FBXL17: variants seen among roughly 807,000 people sequenced by gnomAD.
FBXL17 encodes F-box and leucine rich repeat protein 17, also known as F-box/LRR-repeat protein 17.
Under a neutral mutation model 66.2 loss-of-function variants are expected in FBXL17, and 22 were observed. The observed-to-expected ratio is 0.33, with a 90% confidence interval of 0.24 to 0.47. The LOEUF is 0.47. FBXL17 is among the 20% of genes least tolerant of loss of function. The probability of loss-of-function intolerance (pLI) is 1.00; values close to 1 mark genes in which losing one functional copy is unlikely to be tolerated. For missense variants in FBXL17, 878 were observed against 948.2 expected, an observed-to-expected ratio of 0.93 and a Z score of 0.97; for synonymous variants, 474 against 400.5, an observed-to-expected ratio of 1.18 and a Z score of -2.19.
chr5:107,999,484 C>CCA (rs1554055759), intron 7 of FBXL17, among the ~76,000 whole-genome samples: 6 of 137,642 alleles, frequency 4.4e-5, no homozygotes, highest in Admixed American at 3.0e-4. Context: ...CACACACACA[C>CCA]CACACACACA....
chr5:107,916,109 C>T (rs560127088), intron 7 of FBXL17, among the ~76,000 whole-genome samples: 7 of 152,314 alleles, frequency 4.6e-5, no homozygotes, highest in Admixed American at 1.3e-4. Context: ...ACCTAAGCCA[C>T]TGCTAGGCAG....
At chr5:108,242,386 T>C (rs1331021394) in intron 4 of FBXL17, among the ~76,000 whole-genome samples, 3 of 151,656 alleles carry the variant, frequency 2.0e-5, no homozygotes, top group African/African-American at 7.3e-5. Flanking sequence ...GTTGTTGTTG[T>C]TGTTGTTGTT....
At chr5:107,919,944 T>C (rs1320254880) in intron 7 of FBXL17, among the ~76,000 whole-genome samples, 1 of 152,202 alleles carries the variant, frequency 6.6e-6, no homozygotes, top group African/African-American at 2.4e-5. Flanking sequence ...TCCTGGGGTA[T>C]AGTACTCACT....
chr5:108,368,717 T>A (rs550744363), intron 1 of FBXL17, among the ~76,000 whole-genome samples: 79 of 152,234 alleles, frequency 5.2e-4, no homozygotes, highest in African/African-American at 1.9e-3. Context: ...AATAGTAATG[T>A]ACAATGCTGA....
At chr5:108,084,196 G>A (rs116412898) in intron 6 of FBXL17, among the ~76,000 whole-genome samples, 7 of 152,086 alleles carry the variant, frequency 4.6e-5, no homozygotes, top group Admixed American at 1.3e-4. Context: ...TATACGTGCC[G>A]CAAGCAATGA....
chr5:108,316,285 C>G (rs1390353778), intron 4 of FBXL17, among the ~76,000 whole-genome samples: 1 of 151,200 alleles, frequency 6.6e-6, no homozygotes, highest in Non-Finnish European at 1.5e-5. Flanking sequence ...TTTAAAAGAT[C>G]AACAATGGAA....
chr5:108,043,206 C>T lies in FBXL17; in HGVS notation c.1746-22205G>A, dbSNP rs1233005159. Among the ~76,000 whole-genome samples, 4 of 152,252 alleles carry T rather than the reference C, an allele frequency of 2.6e-5. No individual in the cohort carries two copies. In the South Asian group the frequency reaches 6.2e-4, roughly 24 times the overall value. On this transcript the variant is annotated intron_variant, in intron 6 of 8. Coordinates refer to ENST00000542267, the MANE Select transcript of FBXL17 (RefSeq NM_001163315.3). ...TCCATCCTATTAAAAGGGTCTTTCA[C>T]ATAGCAAAAGTTTTTAATTTTGATG...
At position 108,338,880 on chromosome 5, in the gene FBXL17, G is replaced by A. The variant is rs186223600; in HGVS notation, c.1506+9519C>T. 2.0e-5 allele frequency among the ~76,000 whole-genome samples: 3 copies of A among 152,244 alleles called. No individual in the cohort carries two copies. The East Asian group carries it at 5.8e-4, about 29-fold the overall frequency. On this transcript the variant is annotated intron_variant, in intron 4 of 8. Coordinates refer to ENST00000542267, the MANE Select transcript of FBXL17 (RefSeq NM_001163315.3). ...CAAAAGAAGACAACCTACCTAATAT[G>A]AGTAAGCAAAATCTGCAGCACTAAT...
At chr5:108,012,029 T>G (rs1754196758) in intron 7 of FBXL17, among the ~76,000 whole-genome samples, 1 of 152,218 alleles carries the variant, frequency 6.6e-6, no homozygotes, top group Non-Finnish European at 1.5e-5. Context: ...TTAAATTGCT[T>G]TAAAATTACT....
intron 4 of FBXL17, among the ~76,000 whole-genome samples, chr5:108,272,682 C>A (rs910305387): frequency 1.3e-5 from 2 of 152,074 alleles, no homozygotes; most frequent in African/African-American, 2.4e-5. Context: ...AATAAATGAT[C>A]CCGCATTTTC....
chr5:107,879,836 C>A (rs946107749), intron 8 of FBXL17: 1 of 985,446 alleles, frequency 1.0e-6, no homozygotes, highest in Non-Finnish European at 1.2e-6. Flanking sequence ...CCAAGGGAAG[C>A]AGTCCCCGTG....
chr5:107,982,127 T>C (rs116826022), intron 7 of FBXL17, among the ~76,000 whole-genome samples: 2,179 of 152,258 alleles, frequency 0.014, 51 homozygotes, highest in African/African-American at 0.05. Flanking sequence ...CAAAGATGAA[T>C]ATTAAGCACA....
At chr5:108,163,399 C>CT (rs764052812) in intron 6 of FBXL17, among the ~76,000 whole-genome samples, 14,399 of 128,134 alleles carry the variant, frequency 0.11, 1,170 homozygotes, top group Non-Finnish European at 0.13. Context: ...TTTTTTTTTT[C>CT]TTTTTTTTTT....
chr5:108,009,308 T>TACACAC (rs1554056645), intron 7 of FBXL17, among the ~76,000 whole-genome samples: 15,687 of 42,188 alleles, frequency 0.37, 5,575 homozygotes, highest in Non-Finnish European at 0.46. Context: ...TATACATATA[T>TACACAC]ACATACACAT....
At chr5:108,269,894 C>G (rs567708620) in intron 4 of FBXL17, among the ~76,000 whole-genome samples, 1 of 152,090 alleles carries the variant, frequency 6.6e-6, no homozygotes, top group Admixed American at 6.5e-5. Flanking sequence ...AACCTAGGTA[C>G]TGCCCTAAAA....
At chr5:108,372,882 T>A (rs1027311545) in intron 1 of FBXL17, among the ~76,000 whole-genome samples, 2 of 152,126 alleles carry the variant, frequency 1.3e-5, no homozygotes, top group African/African-American at 2.4e-5. Flanking sequence ...TAAAAGTGCA[T>A]ATTACTGTGT....
intron 7 of FBXL17, among the ~76,000 whole-genome samples, chr5:107,987,121 A>G (rs1753042618): frequency 6.6e-6 from 1 of 152,082 alleles, no homozygotes; most frequent in Non-Finnish European, 1.5e-5. Flanking sequence ...AGATAGGAAA[A>G]CACAAGAGAG....
intron 7 of FBXL17, among the ~76,000 whole-genome samples, chr5:107,925,451 C>T (rs1373990262): frequency 6.6e-6 from 1 of 152,166 alleles, no homozygotes. Context: ...CAATGGCTTC[C>T]TGTTGCACGT....
intron 4 of FBXL17, among the ~76,000 whole-genome samples, chr5:108,271,256 C>T (rs1005948374): frequency 1.3e-5 from 2 of 152,068 alleles, no homozygotes; most frequent in Non-Finnish European, 2.9e-5. Flanking sequence ...TTAAAGAAGG[C>T]CTATCTTCTC....
Sources: gnomAD v4.1 joint callset for allele counts (sites outside exome capture counted in the v4.1 genomes callset) on GRCh38, gnomAD v4.1.1 for gene constraint, MANE v1.5 for transcripts, NCBI Gene and HGNC (gene_info 2026-07-23, HGNC 2026-07-21) for gene names.